The following WDR93 variants were observed in gnomAD, a reference collection of about 807,000 sequenced individuals.
The protein encoded by WDR93 is WD repeat-containing protein 93.
Under a neutral mutation model 82.9 loss-of-function variants are expected in WDR93, and 73 were observed. The ratio of observed to expected loss-of-function variants is 0.88; its 90% CI spans 0.73 to 1.07. The LOEUF (loss-of-function observed/expected upper bound fraction) is 1.07, where lower values mean the gene tolerates loss of function less well. Among genes scored for constraint, WDR93 ranks in the 50% least tolerant of loss-of-function variants. WDR93 has a pLI of 0.00. For missense variants in WDR93, 738 were observed against 826.0 expected, an observed-to-expected ratio of 0.89 and a Z score of 1.31; for synonymous variants, 283 against 300.1, an observed-to-expected ratio of 0.94 and a Z score of 0.59.
Position 89,735,508 on chromosome 15 carries a change from T to G in WDR93, c.1563T>G (p.Asp521Glu). 1 of 1,614,172 alleles carries G rather than the reference T, an allele frequency of 6.2e-7. No individual in the cohort carries two copies. Among genetic ancestry groups the G allele is most frequent in the Non-Finnish European group, 8.5e-7 (1 of 1,180,020 alleles). The change falls in exon 14 of 17, where the codon GAT (aspartate) becomes GAG (glutamate). Residue 521 changes from aspartate (D) to glutamate (E), a missense_variant. Transcript: ENST00000268130. ...CCTATAGGCCTGTAAAGCACCTGGA[T>G]AAAACCATCTGTGCCGTGGCCCCAG... ...VLVERPVKHL[D>E]KTICAVAPVP...
chr15:89,703,290 G>A, intron 3 of WDR93, 148 bp downstream of exon 3: 1 of 805,780 alleles, frequency 1.2e-6, no homozygotes, highest in Non-Finnish European at 2.0e-6. Context: ...GAACAGGTAT[G>A]GTGGGTCAGA....
chr15:89,742,514 AT>A (rs987214319), intron 16 of WDR93, among the ~76,000 whole-genome samples: 23 of 150,492 alleles, frequency 1.5e-4, no homozygotes, highest in Non-Finnish European at 2.1e-4. Flanking sequence ...TGCACTTATT[AT>A]TTTTTTTTAA....
intron 1 of WDR93, among the ~76,000 whole-genome samples, chr15:89,692,671 G>A (rs868113536): frequency 6.6e-6 from 1 of 152,112 alleles, no homozygotes; most frequent in Non-Finnish European, 1.5e-5. Flanking sequence ...GTGCAATGGC[G>A]CAATGTCAGC....
chr15:89,728,983 G>T (rs896587329), intron 9 of WDR93, 40 bp from the exon 10 acceptor site: 1 of 1,558,016 alleles, frequency 6.4e-7, no homozygotes, highest in African/African-American at 1.4e-5. Flanking sequence ...CCTTGCCAGG[G>T]AGTCTACATG....
In WDR93 at chr15:89,734,079, G is replaced by A. The variant is rs377006631; in HGVS notation, c.1544+860G>A. 9.9e-5 allele frequency among the ~76,000 whole-genome samples: 15 copies of A among 152,160 alleles called. No individual in the cohort carries two copies. In the South Asian group the frequency reaches 1.0e-3, roughly 10 times the overall value. ...TAATGAGATCAACTCCCCTGAAACCGTTGGAAATCGATAATCTCCAGTTCC... is the reference window on the plus strand; with the variant it reads ...TAATGAGATCAACTCCCCTGAAACCATTGGAAATCGATAATCTCCAGTTCC... On this transcript the variant is annotated intron_variant, in intron 13 of 16. Coordinates refer to ENST00000268130, the MANE Select transcript of WDR93 (RefSeq NM_020212.2).
At chr15:89,741,791 C>T (rs901259095) in intron 16 of WDR93, among the ~76,000 whole-genome samples, 3 of 151,170 alleles carry the variant, frequency 2.0e-5, no homozygotes, top group East Asian at 2.0e-4. Context: ...CTCGCTCTGT[C>T]GCCAGGCTGG....
intron 8 of WDR93, among the ~76,000 whole-genome samples, chr15:89,724,631 C>T (rs1966659108): frequency 6.6e-6 from 1 of 151,972 alleles, no homozygotes; most frequent in Non-Finnish European, 1.5e-5. Flanking sequence ...AGGGAGAATC[C>T]AGTACAAAAC....
At chr15:89,707,864 G>A (rs776530645) in intron 4 of WDR93, among the ~76,000 whole-genome samples, 1 of 152,178 alleles carries the variant, frequency 6.6e-6, no homozygotes, top group Non-Finnish European at 1.5e-5. Context: ...AGCTTTATTT[G>A]TAATAGCCAA....
At chr15:89,708,100 G>A (rs938612238) in intron 4 of WDR93, among the ~76,000 whole-genome samples, 2 of 152,132 alleles carry the variant, frequency 1.3e-5, no homozygotes, top group African/African-American at 4.8e-5. Flanking sequence ...ACCTAGTGAT[G>A]GAAAACAGAT....
In WDR93 at chr15:89,731,428, T is replaced by A. The variant is rs750935262; in HGVS notation, c.1211-15T>A. Reference sequence around the variant, plus strand: ...GAGTCTGGGGGAACCGGTTGAGTATTGTCCTTCCCCCTAGACCCCGAGGGT... The same window carrying A: ...GAGTCTGGGGGAACCGGTTGAGTATAGTCCTTCCCCCTAGACCCCGAGGGT... On this transcript the variant is annotated splice_polypyrimidine_tract_variant and intron_variant, in intron 11 of 16. Transcript: ENST00000268130. 13 of 1,613,810 alleles carry A rather than the reference T, an allele frequency of 8.1e-6. No individual in the cohort carries two copies. In the African/African-American group the frequency reaches 9.3e-5, roughly 12 times the overall value.
chr15:89,695,852 C>T (rs1380874951), intron 1 of WDR93, among the ~76,000 whole-genome samples: 7 of 143,212 alleles, frequency 4.9e-5, no homozygotes, highest in Non-Finnish European at 7.5e-5. Context: ...AGCCTCACTC[C>T]GTCACCCAGG....
chr15:89,704,738 G>C (rs1048769510), intron 3 of WDR93: 2 of 152,218 alleles, frequency 1.3e-5, no homozygotes, highest in African/African-American at 2.4e-5. Context: ...TACTCAGAAG[G>C]AGTTTAGTGT....
chr15:89,733,309 A>G, intron 13 of WDR93, 90 bp downstream of exon 13: 1 of 1,221,442 alleles, frequency 8.2e-7, no homozygotes, highest in Non-Finnish European at 1.2e-6. Flanking sequence ...CTCTCTGACT[A>G]CAGTCCACCT....
At chr15:89,721,670 G>C (rs1293237481) in intron 7 of WDR93, among the ~76,000 whole-genome samples, 2 of 152,170 alleles carry the variant, frequency 1.3e-5, no homozygotes, top group African/African-American at 4.8e-5. Context: ...CTGGAATGCA[G>C]TGGCTATTCA....
chr15:89,729,723 C>G lies in WDR93; in HGVS notation c.1164C>G (p.His388Gln). ...TTGGTATACACTGGACCAGAAGTCA[C>G]AATTTCTTCCTGTATTCACTAAACC... The part of the protein sequence containing the change: ...CVLGIHWTRS[H>Q]NFFLYSLNRT... Residue 388 changes from histidine to glutamine, a missense_variant, in exon 11 of 17, where the codon CAC becomes CAG. Transcript: ENST00000268130. 3.1e-6 allele frequency: 5 copies of G among 1,613,338 alleles called. No individual in the cohort carries two copies. Among genetic ancestry groups the G allele is most frequent in the Non-Finnish European group, 4.2e-6 (5 of 1,179,868 alleles).
intron 4 of WDR93, among the ~76,000 whole-genome samples, chr15:89,708,882 C>G (rs936837160): frequency 4.6e-5 from 7 of 152,230 alleles, no homozygotes; most frequent in African/African-American, 1.4e-4. Context: ...GGGGAAATGA[C>G]CAAAGGTCAG....
chr15:89,730,339 A>C (rs994859580), intron 11 of WDR93, among the ~76,000 whole-genome samples: 3 of 131,862 alleles, frequency 2.3e-5, no homozygotes, highest in African/African-American at 7.9e-5. Context: ...AAAAAAAAAA[A>C]AAAAGAGAGA....
At chr15:89,713,998 C>G (rs1449965090) in intron 5 of WDR93, among the ~76,000 whole-genome samples, 1 of 152,138 alleles carries the variant, frequency 6.6e-6, no homozygotes, top group Non-Finnish European at 1.5e-5. Context: ...GGAGAACAAC[C>G]TTTCCTAGGT....
intron 1 of WDR93, among the ~76,000 whole-genome samples, chr15:89,700,923 A>G: frequency 6.6e-6 from 1 of 151,866 alleles, no homozygotes; most frequent in East Asian, 1.9e-4. Context: ...CTTTATTTGT[A>G]TACATATACA....
Sources: allele counts gnomAD v4.1 joint callset (sites outside exome capture counted in the v4.1 genomes callset), GRCh38; gene constraint gnomAD v4.1.1; transcripts MANE v1.5; gene names NCBI Gene and HGNC (gene_info 2026-07-23, HGNC 2026-07-21).